Variants in LOC112694756 observed in about 807,000 individuals in gnomAD.
chr16:30,069,247 G>GATGT, the LOC112694756 span: 1 of 1,564,334 alleles, frequency 6.4e-7, no homozygotes, highest in Admixed American at 1.7e-5. Flanking sequence ...GCTGTGGAGA[G>GATGT]ATGTAGGTGG....
At chr16:30,054,271 C>T in the LOC112694756 span, among the ~76,000 whole-genome samples, 16 of 151,988 alleles carry the variant, frequency 1.1e-4, no homozygotes, top group African/African-American at 3.9e-4. Context: ...ATGAACCAAG[C>T]TTGCCCCACT....
the LOC112694756 span, among the ~76,000 whole-genome samples, chr16:30,059,560 T>A: frequency 4.7e-5 from 7 of 148,810 alleles, no homozygotes; most frequent in Non-Finnish European, 5.9e-5. Flanking sequence ...CCAGGCAGGG[T>A]CTCTCTTGTC....
chr16:30,058,530 T>G, the LOC112694756 span, among the ~76,000 whole-genome samples: 19 of 150,750 alleles, frequency 1.3e-4, no homozygotes, highest in African/African-American at 4.4e-4. Context: ...CTGTCACCCA[T>G]GCTGGAGTGC....
At chr16:30,055,465 A>G in the LOC112694756 span, 7 of 397,726 alleles carry the variant, frequency 1.8e-5, no homozygotes, top group African/African-American at 2.1e-5. Context: ...AATCATGTGC[A>G]GCCAGGTAAA....
At chr16:30,069,172 T>C in the LOC112694756 span, 2 of 1,334,988 alleles carry the variant, frequency 1.5e-6, no homozygotes, top group Non-Finnish European at 2.1e-6. Flanking sequence ...GGCTCTTGTC[T>C]CCTGTAATCT....
chr16:30,066,410 C>G, the LOC112694756 span, among the ~76,000 whole-genome samples: 2 of 152,216 alleles, frequency 1.3e-5, no homozygotes, highest in Admixed American at 6.5e-5. Flanking sequence ...GATTCTGAGC[C>G]CGGAACAGCT....
At chr16:30,063,593 C>T in the LOC112694756 span, 1 of 397,798 alleles carries the variant, frequency 2.5e-6, no homozygotes, top group East Asian at 3.6e-5. Context: ...TTGCACTGTT[C>T]CTGGGAATGA....
the LOC112694756 span, among the ~76,000 whole-genome samples, chr16:30,058,400 T>C: frequency 6.6e-6 from 1 of 152,062 alleles, no homozygotes; most frequent in Admixed American, 6.6e-5. Context: ...GTTATATGGC[T>C]GGATCAGCTG....
At chr16:30,067,262 A>C in the LOC112694756 span, 1 of 1,612,274 alleles carries the variant, frequency 6.2e-7, no homozygotes, top group Non-Finnish European at 8.5e-7. Flanking sequence ...ACCATGCCCT[A>C]CCAATATCCA....
the LOC112694756 span, chr16:30,066,842 G>C: frequency 8.5e-6 from 13 of 1,528,410 alleles, no homozygotes; most frequent in Non-Finnish European, 1.1e-5. Flanking sequence ...CTTGATTCAC[G>C]ATCTTTACAT....
the LOC112694756 span, among the ~76,000 whole-genome samples, chr16:30,065,428 G>T: frequency 8.5e-5 from 13 of 152,168 alleles, no homozygotes; most frequent in African/African-American, 3.1e-4. Flanking sequence ...TTTTCCATCC[G>T]CGTCCTCCAC....
chr16:30,069,537 C>T, the LOC112694756 span: 4 of 1,614,132 alleles, frequency 2.5e-6, no homozygotes, highest in East Asian at 4.5e-5. Flanking sequence ...GTGACCACCA[C>T]ATCTACCTGG....
chr16:30,067,104 A>G, the LOC112694756 span: 29 of 1,570,560 alleles, frequency 1.8e-5, no homozygotes, highest in Admixed American at 2.3e-4. Context: ...GAAGTGCCCC[A>G]GGGCCTGCTG....
chr16:30,065,156 G>C, the LOC112694756 span, among the ~76,000 whole-genome samples: 1 of 152,182 alleles, frequency 6.6e-6, no homozygotes, highest in Non-Finnish European at 1.5e-5. Context: ...TCTCGCCTCC[G>C]CGCGCCGCTA....
chr16:30,067,023 GAC>G, the LOC112694756 span: 1 of 1,575,940 alleles, frequency 6.3e-7, no homozygotes, highest in Non-Finnish European at 8.6e-7. Context: ...CCCAGCACCA[GAC>G]AGAGTTAGGA....
the LOC112694756 span, chr16:30,070,046 G>T: frequency 0.17 from 279,211 of 1,613,384 alleles, 28,737 homozygotes; most frequent in East Asian, 0.53. Flanking sequence ...ATAGGCAGGA[G>T]GTGGGCAGGG....
chr16:30,062,440 G>GAGAATC, the LOC112694756 span, among the ~76,000 whole-genome samples: 2 of 151,502 alleles, frequency 1.3e-5, no homozygotes, highest in Non-Finnish European at 2.9e-5. Flanking sequence ...GCTGAGGCAG[G>GAGAATC]AGAATCGCTT....
the LOC112694756 span, chr16:30,066,940 C>T: frequency 1.3e-6 from 2 of 1,551,024 alleles, no homozygotes; most frequent in African/African-American, 2.7e-5. Context: ...CAACATGACC[C>T]ACCTGTCCAT....
the LOC112694756 span, chr16:30,068,755 C>T: frequency 5.6e-6 from 9 of 1,614,180 alleles, no homozygotes; most frequent in Admixed American, 1.7e-5. Flanking sequence ...GGTTTGGGTG[C>T]TGGGAGGAGT....
Sources: gnomAD v4.1 joint callset for allele counts (sites outside exome capture counted in the v4.1 genomes callset) on GRCh38, gnomAD v4.1.1 for gene constraint, MANE v1.5 for transcripts.